Variants in CCSER2 observed in about 807,000 individuals in gnomAD.
CCSER2 encodes the protein coiled-coil serine rich protein 2.
A neutral mutation model predicts 92.3 loss-of-function variants in CCSER2; 46 were observed. The observed-to-expected ratio is 0.50, with a 90% CI of 0.39 to 0.64. CCSER2 has a LOEUF of 0.64. Among genes scored for constraint, CCSER2 ranks in the 30% least tolerant of loss-of-function variants. CCSER2 has a pLI of 0.00. For synonymous variants in CCSER2, 433 were observed against 431.4 expected (o/e 1.00, Z -0.04); for missense variants, 1,244 against 1,238.9 (o/e 1.00, Z -0.06).
At position 84,371,124 on chromosome 10, in the gene CCSER2, A is replaced by C; in HGVS notation, c.72A>C (p.Arg24Ser). The C allele has an allele frequency of 6.2e-7, 1 of 1,612,398 alleles. No individual in the cohort carries two copies. The highest frequency in any genetic ancestry group is 1.1e-5 in the South Asian group (1 of 90,390). The change falls in exon 2 of 10, where the codon AGA (arginine) becomes AGC (serine). Residue 24 changes from arginine (R) to serine (S), a missense_variant. Physicochemically the swap from Arg to Ser is moderately radical, Grantham distance 110. Transcript: ENST00000372088. The part of the protein sequence containing the change: ...KLPKYGTKSV[R>S]STLQPMPNGT... Reference sequence around the variant, plus strand: ...CAAAGTATGGAACAAAATCTGTAAGAAGTACATTGCAGCCAATGCCAAATG... The same window carrying C: ...CAAAGTATGGAACAAAATCTGTAAGCAGTACATTGCAGCCAATGCCAAATG...
chr10:84,372,720 C>T (rs1343331112), intron 2 of CCSER2, among the ~76,000 whole-genome samples: 1 of 152,102 alleles, frequency 6.6e-6, no homozygotes, highest in Non-Finnish European at 1.5e-5. Context: ...TATACACAGC[C>T]TATTCCTGCT....
In CCSER2 at chr10:84,478,728, T is replaced by C. The variant is rs1158045354; in HGVS notation, c.2325+1064T>C. On this transcript the variant is annotated intron_variant, in intron 9 of 9. Coordinates refer to ENST00000372088, the MANE Select transcript of CCSER2 (RefSeq NM_001284240.2). ...CTGTTTATAAGTACTTCTTAAGAAA[T>C]TGGGAATGCATTGATGTAGTTAAAG... is the stretch of plus-strand genomic sequence containing the variant. Among the ~76,000 whole-genome samples the C allele has an allele frequency of 2.6e-5, 4 of 152,230 alleles. No homozygotes were observed. The East Asian group carries it at 7.7e-4, about 29-fold the overall frequency.
At chr10:84,358,024 T>C (rs555930680) in intron 1 of CCSER2, among the ~76,000 whole-genome samples, 2 of 152,340 alleles carry the variant, frequency 1.3e-5, no homozygotes, top group East Asian at 3.9e-4. Context: ...AATTTAGCCA[T>C]CTAGACAGTA....
intron 4 of CCSER2, among the ~76,000 whole-genome samples, chr10:84,421,245 G>T (rs1184904277): frequency 6.6e-6 from 1 of 152,212 alleles, no homozygotes; most frequent in Non-Finnish European, 1.5e-5. Flanking sequence ...ACTTTCGTGA[G>T]TTAGGATTTG....
Position 84,516,435 on chromosome 10 carries a change from G to A in CCSER2, c.*2168G>A, listed in dbSNP as rs1057258857. The stretch of plus-strand genomic sequence containing the variant: ...GCTGCAGTTGTAAGTGGGCATACAT[G>A]TTCTATCATTTTGAAGGAGAAAGAA... On this transcript the variant is annotated 3_prime_UTR_variant, in exon 10 of 10. Coordinates refer to ENST00000372088, the MANE Select transcript of CCSER2 (RefSeq NM_001284240.2). 4 of 152,184 alleles carry A rather than the reference G, an allele frequency of 2.6e-5. No homozygotes were observed. Among genetic ancestry groups the A allele is most frequent in the African/African-American group, 4.8e-5 (2 of 41,442 alleles). The allele number at this position is 152,184 out of a possible 1,614,324, so 9.4% of individuals were successfully genotyped here.
intron 9 of CCSER2, among the ~76,000 whole-genome samples, chr10:84,487,130 T>C (rs1439445939): frequency 6.6e-6 from 1 of 152,368 alleles, no homozygotes; most frequent in East Asian, 1.9e-4. Flanking sequence ...AGTACCATGC[T>C]GTTTTGGTTA....
intron 5 of CCSER2, among the ~76,000 whole-genome samples, chr10:84,436,406 C>T (rs1324416540): frequency 7.1e-6 from 1 of 141,688 alleles, no homozygotes. Context: ...GAGGCCGAGG[C>T]GGGCGGATCA....
At chr10:84,391,190 T>C in intron 3 of CCSER2, 1 of 914,992 alleles carries the variant, frequency 1.1e-6, no homozygotes, top group Non-Finnish European at 1.8e-6. Context: ...CAGTCTGGCT[T>C]TCTTCCATAC....
chr10:84,508,607 G>C (rs900176464), intron 9 of CCSER2, among the ~76,000 whole-genome samples: 1 of 152,112 alleles, frequency 6.6e-6, no homozygotes, highest in Non-Finnish European at 1.5e-5. Context: ...CTCTAAACTT[G>C]CATGTCTTTG....
At chr10:84,391,401 T>G in intron 3 of CCSER2, 1 of 1,497,176 alleles carries the variant, frequency 6.7e-7, no homozygotes. Context: ...CATCAGTGGA[T>G]GCAGGATAAA....
intron 9 of CCSER2, among the ~76,000 whole-genome samples, chr10:84,496,851 CT>C (rs1848481716): frequency 6.6e-6 from 1 of 152,206 alleles, no homozygotes; most frequent in South Asian, 2.1e-4. Flanking sequence ...GCTGGTCTCA[CT>C]TTTTCTCTCT....
chr10:84,424,728 A>G (rs577590969), intron 4 of CCSER2, among the ~76,000 whole-genome samples: 1 of 152,122 alleles, frequency 6.6e-6, no homozygotes, highest in Non-Finnish European at 1.5e-5. Flanking sequence ...AATTCTGAAC[A>G]TGCAGGACTT....
chr10:84,389,528 G>T, intron 3 of CCSER2: 1 of 277,016 alleles, frequency 3.6e-6, no homozygotes, highest in South Asian at 3.3e-5. Context: ...CCTGGGGGCC[G>T]ATCTTGGGGG....
intron 9 of CCSER2, among the ~76,000 whole-genome samples, chr10:84,478,098 G>A (rs1281399089): frequency 6.6e-6 from 1 of 152,110 alleles, no homozygotes; most frequent in Non-Finnish European, 1.5e-5. Context: ...CAAATGTTGA[G>A]GGTGTTAGGA....
At chr10:84,341,659 A>C (rs1844193874) in intron 1 of CCSER2, among the ~76,000 whole-genome samples, 1 of 152,110 alleles carries the variant, frequency 6.6e-6, no homozygotes, top group African/African-American at 2.4e-5. Context: ...CAGTCCCACA[A>C]GATGGCGCCA....
chr10:84,511,040 T>C (rs767651662), intron 9 of CCSER2, among the ~76,000 whole-genome samples: 4 of 152,298 alleles, frequency 2.6e-5, no homozygotes, highest in South Asian at 2.1e-4. Context: ...AATAAAAATA[T>C]AAAATTTTAT....
chr10:84,441,801 G>A, intron 6 of CCSER2, among the ~76,000 whole-genome samples: 1 of 128,394 alleles, frequency 7.8e-6, no homozygotes, highest in African/African-American at 3.1e-5. Context: ...CTGTCTCTCA[G>A]GCTGGAGTGC....
At chr10:84,425,093 T>G in intron 4 of CCSER2, 1 of 970,386 alleles carries the variant, frequency 1.0e-6, no homozygotes, top group South Asian at 4.8e-5. Context: ...TCTTTTCGTG[T>G]TTTTGTGGTA....
At chr10:84,332,450 T>TTC in intron 1 of CCSER2, among the ~76,000 whole-genome samples, 1 of 129,940 alleles carries the variant, frequency 7.7e-6, no homozygotes, top group Non-Finnish European at 1.6e-5. Context: ...TTTTTTTTTT[T>TTC]TTTTTTTGAG....
Sources: gnomAD v4.1 joint callset for allele counts (sites outside exome capture counted in the v4.1 genomes callset) on GRCh38, gnomAD v4.1.1 for gene constraint, MANE v1.5 for transcripts, NCBI Gene and HGNC (gene_info 2026-07-23, HGNC 2026-07-21) for gene names.